The following FHIP1A variants were observed in gnomAD, a reference collection of about 807,000 sequenced individuals.
The protein encoded by FHIP1A is FHF complex subunit HOOK interacting protein 1A, also known as FHF complex subunit HOOK-interacting protein 1A.
FHIP1A carries 61 observed loss-of-function variants against 88.6 expected under a neutral mutation model. The ratio of observed to expected loss-of-function variants is 0.69; its 90% confidence interval spans 0.56 to 0.85. The LOEUF is 0.85. Ranked by LOEUF, FHIP1A falls within the 40% of genes least tolerant of loss-of-function variation. FHIP1A has a pLI of 0.00. For missense variants in FHIP1A, 1,154 were observed against 1,273.5 expected (o/e 0.91, Z 1.43); for synonymous variants, 478 against 496.0 (o/e 0.96, Z 0.48).
At position 151,548,409 on chromosome 4, in the gene FHIP1A, G is replaced by A. The variant is rs935834185; in HGVS notation, c.-122-17729G>A. ...ACCTGCTGGGCTGCATTTCTAGTAA[G>A]TTAGACATTCTAAGTCACAGGATAA... is the stretch of plus-strand genomic sequence containing the variant. On this transcript the variant is annotated intron_variant, in intron 3 of 13. Transcript: ENST00000435205. Among the ~76,000 whole-genome samples the A allele has an allele frequency of 3.9e-5, 6 of 152,166 alleles. No homozygotes were observed. The East Asian group carries it at 7.7e-4, about 20-fold the overall frequency.
At chr4:151,609,196 C>T (rs561901276) in intron 7 of FHIP1A, among the ~76,000 whole-genome samples, 2 of 152,268 alleles carry the variant, frequency 1.3e-5, no homozygotes, top group South Asian at 4.1e-4. Context: ...CTATAAGATA[C>T]CACTGTTCTA....
chr4:151,569,154 C>T (rs1250631396), intron 4 of FHIP1A, among the ~76,000 whole-genome samples: 1 of 152,164 alleles, frequency 6.6e-6, no homozygotes, highest in Non-Finnish European at 1.5e-5. Flanking sequence ...CCAAGAAAAA[C>T]CTGTAAGGCT....
intron 2 of FHIP1A, among the ~76,000 whole-genome samples, chr4:151,472,414 AT>A (rs1449073857): frequency 6.6e-6 from 1 of 152,066 alleles, no homozygotes; most frequent in Non-Finnish European, 1.5e-5. Context: ...CACTTGGTCC[AT>A]TTTTTTGACT....
chr4:151,615,352 C>T (rs1403635381), intron 7 of FHIP1A, among the ~76,000 whole-genome samples: 1 of 151,616 alleles, frequency 6.6e-6, no homozygotes, highest in Non-Finnish European at 1.5e-5. Context: ...AAGTTTGAGC[C>T]TCACTTTTCT....
chr4:151,582,359 T>A (rs1734057175), intron 5 of FHIP1A, among the ~76,000 whole-genome samples: 1 of 152,200 alleles, frequency 6.6e-6, no homozygotes, highest in African/African-American at 2.4e-5. Context: ...TCTTTCTTTT[T>A]TTTTTTGTAT....
chr4:151,658,387 A>G (rs542573636), intron 13 of FHIP1A, among the ~76,000 whole-genome samples: 8 of 152,302 alleles, frequency 5.3e-5, no homozygotes, highest in East Asian at 1.9e-4. Context: ...TGTGTCTGCC[A>G]TCAGTGGGTG....
intron 7 of FHIP1A, among the ~76,000 whole-genome samples, chr4:151,596,811 G>A (rs1734666786): frequency 6.6e-6 from 1 of 151,844 alleles, no homozygotes; most frequent in African/African-American, 2.4e-5. Flanking sequence ...CCACTTGATT[G>A]ATGTGGCTAT....
chr4:151,516,388 T>C (rs1383126271), intron 3 of FHIP1A, among the ~76,000 whole-genome samples: 1 of 151,962 alleles, frequency 6.6e-6, no homozygotes, highest in Non-Finnish European at 1.5e-5. Context: ...GACATAGGCA[T>C]GGGCAAGGAC....
At chr4:151,594,990 T>G (rs1418633720) in intron 7 of FHIP1A, among the ~76,000 whole-genome samples, 1 of 152,248 alleles carries the variant, frequency 6.6e-6, no homozygotes, top group East Asian at 1.9e-4. Context: ...CTGGATTCAT[T>G]GATTTTTTGA....
chr4:151,489,719 T>C (rs989973122), intron 3 of FHIP1A, among the ~76,000 whole-genome samples: 9 of 152,072 alleles, frequency 5.9e-5, no homozygotes, highest in African/African-American at 2.2e-4. Context: ...CCTGATGACC[T>C]GTAGGGTGCA....
chr4:151,496,855 C>G (rs919379749), intron 3 of FHIP1A, among the ~76,000 whole-genome samples: 1 of 151,700 alleles, frequency 6.6e-6, no homozygotes, highest in African/African-American at 2.4e-5. Context: ...AGCCACTGCC[C>G]TTGGCCAGGA....
intron 8 of FHIP1A, among the ~76,000 whole-genome samples, chr4:151,635,256 C>G (rs763227373): frequency 1.3e-5 from 2 of 151,760 alleles, no homozygotes; most frequent in East Asian, 3.8e-4. Context: ...AATACTGGAA[C>G]CTTTGTGTCT....
intron 7 of FHIP1A, among the ~76,000 whole-genome samples, chr4:151,610,664 T>C (rs11736116): frequency 0.32 from 48,542 of 152,012 alleles, 7,774 homozygotes; most frequent in Non-Finnish European, 0.33. Flanking sequence ...TATGCCTTTC[T>C]TCCACTTGAG....
intron 7 of FHIP1A, among the ~76,000 whole-genome samples, chr4:151,605,104 G>A (rs1735022314): frequency 6.6e-6 from 1 of 152,156 alleles, no homozygotes; most frequent in Non-Finnish European, 1.5e-5. Flanking sequence ...GATGGCTTCA[G>A]TGCTTGTCCT....
chr4:151,573,391 G>A (rs1294948765), intron 4 of FHIP1A, among the ~76,000 whole-genome samples: 1 of 152,112 alleles, frequency 6.6e-6, no homozygotes, highest in Admixed American at 6.6e-5. Flanking sequence ...TCTGATTTCA[G>A]CTGGTTTACT....
At chr4:151,635,352 A>G (rs1736310035) in intron 8 of FHIP1A, among the ~76,000 whole-genome samples, 1 of 151,954 alleles carries the variant, frequency 6.6e-6, no homozygotes, top group Non-Finnish European at 1.5e-5. Flanking sequence ...TTAGTACATT[A>G]TCCAGCAATC....
intron 6 of FHIP1A, among the ~76,000 whole-genome samples, chr4:151,587,517 C>T (rs1385156416): frequency 1.4e-5 from 2 of 147,992 alleles, no homozygotes; most frequent in Non-Finnish European, 3.0e-5. Flanking sequence ...TTTTCTCGGC[C>T]TTTTTTTTTA....
intron 1 of FHIP1A, among the ~76,000 whole-genome samples, chr4:151,439,211 A>G (rs559029045): frequency 6.6e-6 from 1 of 152,302 alleles, no homozygotes; most frequent in African/African-American, 2.4e-5. Context: ...GAAGTTATGC[A>G]TAAATAATTA....
At chr4:151,515,458 A>G (rs1023666131) in intron 3 of FHIP1A, among the ~76,000 whole-genome samples, 1 of 152,066 alleles carries the variant, frequency 6.6e-6, no homozygotes, top group East Asian at 1.9e-4. Context: ...GGCCAGGGCA[A>G]TTAGGCAGGA....
Sources: gnomAD v4.1 joint callset for allele counts (sites outside exome capture counted in the v4.1 genomes callset) on GRCh38, gnomAD v4.1.1 for gene constraint, MANE v1.5 for transcripts, NCBI Gene and HGNC (gene_info 2026-07-23, HGNC 2026-07-21) for gene names.